Variants in THSD7B observed in about 807,000 individuals in gnomAD.
THSD7B encodes thrombospondin type 1 domain containing 7B.
In THSD7B, 138 loss-of-function variants were observed where a neutral mutation model predicts 213.6. The observed-to-expected ratio is 0.65, with a 90% confidence interval of 0.56 to 0.74. The LOEUF (loss-of-function observed/expected upper bound fraction) is 0.74. Among genes scored for constraint, THSD7B ranks in the 30% least tolerant of loss-of-function variants. The pLI, the probability that THSD7B is intolerant of heterozygous loss-of-function variation, is 0.00. For synonymous variants in THSD7B, 742 were observed against 687.0 expected (o/e 1.08, Z -1.25); for missense variants, 1,931 against 1,991.5 (o/e 0.97, Z 0.58).
chr2:137,077,614 A>T (rs550779584), intron 3 of THSD7B, among the ~76,000 whole-genome samples: 1 of 152,248 alleles, frequency 6.6e-6, no homozygotes, highest in Non-Finnish European at 1.5e-5. Context: ...TTTGCTGCAT[A>T]AATGTCTTCT....
At chr2:137,008,620 G>A (rs1686161937) in intron 2 of THSD7B, among the ~76,000 whole-genome samples, 1 of 151,958 alleles carries the variant, frequency 6.6e-6, no homozygotes, top group Admixed American at 6.6e-5. Flanking sequence ...GTGTGTGTGT[G>A]TTTCTATTCA....
intron 1 of THSD7B, among the ~76,000 whole-genome samples, chr2:136,799,084 C>T (rs1682122369): frequency 1.3e-5 from 2 of 151,990 alleles, no homozygotes; most frequent in Non-Finnish European, 2.9e-5. Context: ...ACTTCTTTTT[C>T]TATTCTCCTT....
At chr2:136,996,907 A>G (rs957643257) in intron 2 of THSD7B, among the ~76,000 whole-genome samples, 15 of 152,214 alleles carry the variant, frequency 9.9e-5, no homozygotes, top group Non-Finnish European at 1.3e-4. Context: ...GCTGTGGACT[A>G]CAGTGATTGG....
chr2:137,581,754 C>T (rs1003948846), intron 17 of THSD7B, among the ~76,000 whole-genome samples: 28 of 136,530 alleles, frequency 2.1e-4, no homozygotes, highest in Non-Finnish European at 3.1e-4. Context: ...AGCGAGACTC[C>T]GTCTCAAAAA....
At chr2:136,782,646 C>T (rs888620554) in intron 1 of THSD7B, among the ~76,000 whole-genome samples, 3 of 151,922 alleles carry the variant, frequency 2.0e-5, no homozygotes, top group African/African-American at 7.3e-5. Flanking sequence ...AGATGTTGGT[C>T]AAAGGATACA....
intron 3 of THSD7B, among the ~76,000 whole-genome samples, chr2:137,060,879 C>T (rs989460681): frequency 2.8e-4 from 43 of 151,368 alleles, no homozygotes; most frequent in African/African-American, 9.2e-4. Context: ...TTTTGATATC[C>T]ACAAAATAAC....
At chr2:137,489,236 C>CCAA (rs1449028463) in intron 15 of THSD7B, among the ~76,000 whole-genome samples, 1 of 151,758 alleles carries the variant, frequency 6.6e-6, no homozygotes, top group Non-Finnish European at 1.5e-5. Context: ...ACCATCCTGG[C>CCAA]CAACATGGTG....
intron 12 of THSD7B, among the ~76,000 whole-genome samples, chr2:137,321,179 C>T (rs1016395283): frequency 6.6e-6 from 1 of 152,122 alleles, no homozygotes; most frequent in East Asian, 1.9e-4. Context: ...AAAAATTATT[C>T]TTTCCATTTT....
chr2:136,847,498 G>A (rs1317141605), intron 1 of THSD7B, among the ~76,000 whole-genome samples: 1 of 152,112 alleles, frequency 6.6e-6, no homozygotes, highest in Non-Finnish European at 1.5e-5. Context: ...GGGCCCCATG[G>A]CTTTCTGATA....
intron 20 of THSD7B, among the ~76,000 whole-genome samples, chr2:137,625,721 A>G (rs1682612663): frequency 6.6e-6 from 1 of 152,138 alleles, no homozygotes; most frequent in African/African-American, 2.4e-5. Flanking sequence ...TGGCTTTTTC[A>G]GGTGGGCATT....
At chr2:136,978,287 T>C (rs972762786) in intron 2 of THSD7B, among the ~76,000 whole-genome samples, 1 of 152,234 alleles carries the variant, frequency 6.6e-6, no homozygotes, top group South Asian at 2.1e-4. Flanking sequence ...TGGAGAATTT[T>C]GCAGATATCT....
At position 137,115,216 on chromosome 2, in the gene THSD7B, G is replaced by T; in HGVS notation, c.1292G>T (p.Cys431Phe). 1.2e-6 allele frequency: 2 copies of T among 1,613,838 alleles called. No homozygotes were observed. The highest frequency in any genetic ancestry group is 1.7e-6 in the Non-Finnish European group (2 of 1,179,816). Residue 431 changes from cysteine to phenylalanine, a missense_variant, in exon 5 of 28, where the codon TGT becomes TTT. Cys to Phe is a radical substitution (Grantham distance 205, BLOSUM62 -2). Transcript: ENST00000409968. ...CACTGGCATGTGACGGGACCCGTGT[G>T]TGGCGGTGGGATCCAGACCCGGGAG... is the stretch of plus-strand genomic sequence containing the variant. The part of the protein sequence containing the change: ...DPHWHVTGPV[C>F]GGGIQTREVY...
At chr2:136,784,545 T>C (rs1157430401) in intron 1 of THSD7B, among the ~76,000 whole-genome samples, 1 of 121,674 alleles carries the variant, frequency 8.2e-6, no homozygotes, top group African/African-American at 3.1e-5. Flanking sequence ...GTTAAATTAT[T>C]GATGAATTTA....
intron 17 of THSD7B, among the ~76,000 whole-genome samples, chr2:137,602,504 G>A (rs1394741519): frequency 3.3e-5 from 5 of 151,972 alleles, no homozygotes; most frequent in Non-Finnish European, 5.9e-5. Context: ...TCCTGACCTC[G>A]TGATCCACCC....
intron 12 of THSD7B, among the ~76,000 whole-genome samples, chr2:137,397,421 G>T (rs376517647): frequency 3.0e-4 from 45 of 152,016 alleles, no homozygotes; most frequent in Admixed American, 1.2e-3. Context: ...CCTTCACTTA[G>T]GAAGCTTAGT....
chr2:137,343,108 G>C (rs1263365418), intron 12 of THSD7B, among the ~76,000 whole-genome samples: 1 of 148,038 alleles, frequency 6.8e-6, no homozygotes, highest in Non-Finnish European at 1.5e-5. Context: ...GCATGAGTTT[G>C]ATTTTTTTGC....
At chr2:137,668,319 A>C (rs1683489775) in intron 27 of THSD7B, among the ~76,000 whole-genome samples, 1 of 152,098 alleles carries the variant, frequency 6.6e-6, no homozygotes. Flanking sequence ...TTTGTTCTTA[A>C]ATTTTGAATG....
rs181159600 is a variant in THSD7B, at chr2:136,993,289, C to T, written c.140-63131C>T. Among the ~76,000 whole-genome samples, 189 of 152,300 alleles carry T rather than the reference C, an allele frequency of 1.2e-3. 1 individual carries two copies. Among genetic ancestry groups the T allele is most frequent in the Middle Eastern group, 6.8e-3 (2 of 294 alleles). Reference sequence around the variant, plus strand: ...TGACACTTTCAGACAGTATAAAAAGCAAGTCAAACCAGTGTGCTCCTTTCC... The same window carrying T: ...TGACACTTTCAGACAGTATAAAAAGTAAGTCAAACCAGTGTGCTCCTTTCC... On this transcript the variant is annotated intron_variant, in intron 2 of 27. Coordinates refer to ENST00000409968, the MANE Select transcript of THSD7B (RefSeq NM_001316349.2).
chr2:136,954,457 C>A (rs917229510), intron 2 of THSD7B, among the ~76,000 whole-genome samples: 4 of 152,126 alleles, frequency 2.6e-5, no homozygotes, highest in African/African-American at 9.7e-5. Context: ...TGGCTCACAC[C>A]TGTAATCCCA....
Sources: gnomAD v4.1 joint callset for allele counts (sites outside exome capture counted in the v4.1 genomes callset) on GRCh38, gnomAD v4.1.1 for gene constraint, MANE v1.5 for transcripts, NCBI Gene and HGNC (gene_info 2026-07-23, HGNC 2026-07-21) for gene names.